UNC13C: variants seen among roughly 807,000 people sequenced by gnomAD.
UNC13C encodes the protein unc-13 homolog C.
Under a neutral mutation model 245.4 loss-of-function variants are expected in UNC13C, and 174 were observed. The ratio of observed to expected loss-of-function variants is 0.71; its 90% confidence interval spans 0.63 to 0.80. The LOEUF (loss-of-function observed/expected upper bound fraction) is 0.80, where lower values mean the gene tolerates loss of function less well. Ranked by LOEUF, UNC13C falls within the 30% of genes least tolerant of loss-of-function variation. UNC13C has a pLI of 0.00. For missense variants in UNC13C, 2,829 were observed against 2,602.9 expected (o/e 1.09, Z -1.89); for synonymous variants, 992 against 895.1 (o/e 1.11, Z -1.93).
At chr15:53,892,305 A>G in the UNC13C span, among the ~76,000 whole-genome samples, 4 of 152,266 alleles carry the variant, frequency 2.6e-5, no homozygotes, top group South Asian at 8.3e-4. Flanking sequence ...GCTGCCCTGA[A>G]CATTTTTTTC....
At chr15:53,969,838 AAAT>A in the UNC13C span, among the ~76,000 whole-genome samples, 1 of 151,980 alleles carries the variant, frequency 6.6e-6, no homozygotes, top group Non-Finnish European at 1.5e-5. Flanking sequence ...TTTAAAACTG[AAAT>A]TCTATACCCA....
chr15:54,037,723 T>C (rs1001036791), intron 2 of UNC13C, among the ~76,000 whole-genome samples: 1 of 152,170 alleles, frequency 6.6e-6, no homozygotes, highest in African/African-American at 2.4e-5. Context: ...TAAATTCTTC[T>C]GTAAGTGATC....
intron 29 of UNC13C, 39 bp downstream of exon 29, chr15:54,555,551 C>T (rs772870250): frequency 1.4e-6 from 2 of 1,475,340 alleles, no homozygotes; most frequent in Non-Finnish European, 1.9e-6. Context: ...TCGAGAGAGG[C>T]CCCCATTTAC....
At chr15:54,155,071 A>G (rs2032684711) in intron 4 of UNC13C, among the ~76,000 whole-genome samples, 1 of 152,192 alleles carries the variant, frequency 6.6e-6, no homozygotes, top group Non-Finnish European at 1.5e-5. Context: ...TTCTATCATA[A>G]TATAGTACCT....
intron 2 of UNC13C, among the ~76,000 whole-genome samples, chr15:54,075,112 G>T (rs548646477): frequency 6.6e-6 from 1 of 152,150 alleles, no homozygotes; most frequent in South Asian, 2.1e-4. Flanking sequence ...ATCACTCAAA[G>T]AATAATAACA....
At chr15:54,613,106 A>G (rs924183793) in intron 30 of UNC13C, among the ~76,000 whole-genome samples, 9 of 151,918 alleles carry the variant, frequency 5.9e-5, no homozygotes, top group Admixed American at 1.3e-4. Context: ...GAAAGCATAA[A>G]TAGATCTATA....
At chr15:53,868,876 G>C in the UNC13C span, among the ~76,000 whole-genome samples, 1 of 152,104 alleles carries the variant, frequency 6.6e-6, no homozygotes, top group Non-Finnish European at 1.5e-5. Flanking sequence ...CCAGCATTTT[G>C]GGAGGCCAAA....
At chr15:54,091,372 G>A (rs574648529) in intron 2 of UNC13C, among the ~76,000 whole-genome samples, 6 of 152,032 alleles carry the variant, frequency 3.9e-5, no homozygotes, top group East Asian at 1.9e-4. Context: ...ATTTATTCTC[G>A]CAGATGGATT....
chr15:54,200,773 G>A (rs2034498030), intron 4 of UNC13C, among the ~76,000 whole-genome samples: 1 of 151,882 alleles, frequency 6.6e-6, no homozygotes. Context: ...GGAGAAACAA[G>A]AGCAATCCAA....
intron 2 of UNC13C, among the ~76,000 whole-genome samples, chr15:54,032,569 A>G (rs954694290): frequency 4.6e-5 from 7 of 152,236 alleles, no homozygotes; most frequent in Admixed American, 1.3e-4. Context: ...AAAGGAAGAT[A>G]TGTATATATA....
chr15:54,591,900 C>T (rs1898812005), intron 30 of UNC13C, among the ~76,000 whole-genome samples: 1 of 151,950 alleles, frequency 6.6e-6, no homozygotes, highest in African/African-American at 2.4e-5. Flanking sequence ...TCTGTGTGTG[C>T]TCTTTCAATG....
At position 54,086,737 on chromosome 15, in the gene UNC13C, C is replaced by CTTTTTTTTTTTTTTTTTTTTTTTTTT. The variant is rs57209912; in HGVS notation, c.2984-56263_2984-56262insTTTTTTTTTTTTTTTTTTTTTTTTTT. Among the ~76,000 whole-genome samples, 3 of 92,012 alleles carry CTTTTTTTTTTTTTTTTTTTTTTTTTT rather than the reference C, an allele frequency of 3.3e-5. 1 individual carries two copies. Among genetic ancestry groups the CTTTTTTTTTTTTTTTTTTTTTTTTTT allele is most frequent in the Non-Finnish European group, 4.2e-5 (2 of 47,066 alleles). 60.4% of individuals were successfully genotyped at this position (92,012 alleles called of 152,430 possible). A position where few individuals can be genotyped will look rare whatever the true frequency, so the allele number is the denominator to read the frequency against. Reference sequence around the variant, plus strand: ...GTACTATGTGTTGCTTATTTTCTTTCTTTTTTTTTTTTTTTTTTGAGATGG... The same window carrying CTTTTTTTTTTTTTTTTTTTTTTTTTT: ...GTACTATGTGTTGCTTATTTTCTTTCTTTTTTTTTTTTTTTTTTTTTTTTTTTTTTTTTTTTTTTTTTTTGAGATGG... On this transcript the variant is annotated intron_variant, in intron 2 of 32. Transcript: ENST00000260323.
At chr15:54,266,491 A>G (rs893903702) in intron 10 of UNC13C, among the ~76,000 whole-genome samples, 1 of 151,960 alleles carries the variant, frequency 6.6e-6, no homozygotes, top group Non-Finnish European at 1.5e-5. Flanking sequence ...GGAAAGGAAC[A>G]ACAAAGGGGA....
chr15:54,568,746 A>T (rs949955672), intron 30 of UNC13C, among the ~76,000 whole-genome samples: 1 of 152,180 alleles, frequency 6.6e-6, no homozygotes, highest in Admixed American at 6.5e-5. Flanking sequence ...TCATTCATGA[A>T]AGATCCTTGG....
chr15:54,540,562 G>T (rs996893382), intron 26 of UNC13C, among the ~76,000 whole-genome samples: 1 of 152,044 alleles, frequency 6.6e-6, no homozygotes, highest in Non-Finnish European at 1.5e-5. Flanking sequence ...AACAATAGAG[G>T]TTTGAAAGTC....
At chr15:54,293,508 C>A (rs571232887) in intron 10 of UNC13C, among the ~76,000 whole-genome samples, 2 of 151,928 alleles carry the variant, frequency 1.3e-5, no homozygotes, top group Non-Finnish European at 2.9e-5. Context: ...TCTCAACACC[C>A]ATTGCAATAA....
chr15:53,907,207 T>A, the UNC13C span, among the ~76,000 whole-genome samples: 1 of 152,230 alleles, frequency 6.6e-6, no homozygotes, highest in African/African-American at 2.4e-5. Flanking sequence ...AACATCCTTA[T>A]GATAATGTTA....
chr15:54,090,051 C>A (rs543882005), intron 2 of UNC13C, among the ~76,000 whole-genome samples: 104 of 152,302 alleles, frequency 6.8e-4, no homozygotes, highest in Admixed American at 3.7e-3. Flanking sequence ...TGCTGATGTA[C>A]AGGAGAACTC....
the UNC13C span, among the ~76,000 whole-genome samples, chr15:53,841,860 TG>T: frequency 9.9e-5 from 15 of 152,178 alleles, no homozygotes; most frequent in Non-Finnish European, 7.4e-5. Flanking sequence ...ACTGTTGCCA[TG>T]GTGATGTTAT....
Sources: gnomAD v4.1 joint callset for allele counts (sites outside exome capture counted in the v4.1 genomes callset) on GRCh38, gnomAD v4.1.1 for gene constraint, MANE v1.5 for transcripts, NCBI Gene and HGNC (gene_info 2026-07-23, HGNC 2026-07-21) for gene names.